Variants in NLRP5 observed in about 807,000 individuals in gnomAD.
The protein encoded by NLRP5 is NLR family pyrin domain containing 5.
NLRP5 carries 93 observed loss-of-function variants against 113.1 expected under a neutral mutation model. The observed-to-expected ratio is 0.82, with a 90% CI of 0.70 to 0.98. The LOEUF is 0.98. Among genes scored for constraint, NLRP5 ranks in the 50% least tolerant of loss-of-function variants. The pLI is 0.00. For missense variants in NLRP5, 1,808 were observed against 1,514.3 expected (o/e 1.19, Z -3.22); for synonymous variants, 751 against 600.7 (o/e 1.25, Z -3.66).
intron 9 of NLRP5, among the ~76,000 whole-genome samples, chr19:56,036,058 C>CTTTTTGTTT: frequency 1.3e-5 from 1 of 77,018 alleles, no homozygotes; most frequent in Non-Finnish European, 2.3e-5. Flanking sequence ...AATTGAGATT[C>CTTTTTGTTT]TTTTTTTTTT....
chr19:56,041,668 C>G (rs548238622), intron 11 of NLRP5, among the ~76,000 whole-genome samples: 2 of 152,138 alleles, frequency 1.3e-5, no homozygotes, highest in African/African-American at 4.8e-5. Context: ...ACTATTGCAG[C>G]GGGGCGCGGT....
chr19:56,054,112 C>T (rs1220945416), intron 13 of NLRP5, among the ~76,000 whole-genome samples: 1 of 152,054 alleles, frequency 6.6e-6, no homozygotes. Context: ...AGTGAAAAGA[C>T]CTTTGTGTTG....
chr19:56,019,297 C>T (rs2123291859), intron 4 of NLRP5, 45 bp from the exon 5 acceptor site: 3 of 1,609,316 alleles, frequency 1.9e-6, no homozygotes, highest in Non-Finnish European at 2.5e-6. Context: ...ATCTCTGACT[C>T]AAATAATAAA....
At chr19:56,030,579 T>G (rs1490048071) in intron 7 of NLRP5, among the ~76,000 whole-genome samples, 1 of 152,150 alleles carries the variant, frequency 6.6e-6, no homozygotes, top group Non-Finnish European at 1.5e-5. Flanking sequence ...TGGGCAATTT[T>G]CCTGTAGATT....
chr19:56,034,072 A>T (rs1228203632), intron 9 of NLRP5, among the ~76,000 whole-genome samples: 2 of 152,128 alleles, frequency 1.3e-5, no homozygotes, highest in African/African-American at 4.8e-5. Context: ...ACCCAGCGAG[A>T]TTTTAATTGT....
At chr19:56,030,711 C>CTTTTTTTTTTTTTTTTTTTT (rs1251579019) in intron 7 of NLRP5, among the ~76,000 whole-genome samples, 19 of 47,770 alleles carry the variant, frequency 4.0e-4, no homozygotes, top group East Asian at 1.4e-3. Context: ...TCGCTTTCTT[C>CTTTTTTTTTTTTTTTTTTTT]TTCTTTTTTT....
At chr19:56,004,231 T>C in intron 2 of NLRP5, 136 bp downstream of exon 2, 1 of 926,590 alleles carries the variant, frequency 1.1e-6, no homozygotes, top group Non-Finnish European at 1.6e-6. Flanking sequence ...AGGATCCTAT[T>C]GGTCATCGTC....
intron 13 of NLRP5, among the ~76,000 whole-genome samples, chr19:56,054,630 G>C (rs527937155): frequency 6.6e-6 from 1 of 151,248 alleles, no homozygotes; most frequent in Non-Finnish European, 1.5e-5. Context: ...AAAACGTCGT[G>C]CTGAGTGAAA....
intron 3 of NLRP5, among the ~76,000 whole-genome samples, chr19:56,011,284 G>C (rs571570711): frequency 6.6e-6 from 1 of 152,124 alleles, no homozygotes; most frequent in South Asian, 2.1e-4. Flanking sequence ...AAAATGTCTA[G>C]AATCGGCAAA....
At chr19:56,043,859 G>C (rs201668315) in intron 11 of NLRP5, among the ~76,000 whole-genome samples, 1 of 151,424 alleles carries the variant, frequency 6.6e-6, no homozygotes, top group Non-Finnish European at 1.5e-5. Context: ...TTACAGGCGT[G>C]AGCCACCACG....
intron 11 of NLRP5, among the ~76,000 whole-genome samples, chr19:56,044,594 T>G (rs1168197234): frequency 6.6e-6 from 1 of 152,238 alleles, no homozygotes; most frequent in African/African-American, 2.4e-5. Context: ...TTTGCACGAG[T>G]ACCACACTGT....
Position 56,033,703 on chromosome 19 carries a change from C to G in NLRP5, c.2609C>G (p.Ser870Cys), listed in dbSNP as rs1478709218. Residue 870 changes from serine to cysteine, a missense_variant, in exon 9 of 15, where the codon TCT (serine) becomes TGT (cysteine). Physicochemically the swap from Ser to Cys is moderately radical, Grantham distance 112 (BLOSUM62 -1). Coordinates refer to ENST00000390649, the MANE Select transcript of NLRP5 (RefSeq NM_153447.4). ...AAACACCCAAAATGTTTGTTGGAGT[C>G]TTTGAGGTACGTCTCTGGTAGAGCT... is the stretch of plus-strand genomic sequence containing the variant. 1.9e-6 allele frequency: 3 copies of G among 1,611,632 alleles called. No homozygotes were observed. In the South Asian group the frequency reaches 3.3e-5, roughly 18 times the overall value.
intron 9 of NLRP5, among the ~76,000 whole-genome samples, chr19:56,035,774 T>C (rs113404085): frequency 6.6e-5 from 10 of 152,226 alleles, no homozygotes; most frequent in Admixed American, 4.6e-4. Context: ...AAAGTACTTA[T>C]TGGATAGAGG....
chr19:56,046,783 C>T (rs866724843), intron 11 of NLRP5, among the ~76,000 whole-genome samples: 1 of 152,194 alleles, frequency 6.6e-6, no homozygotes, highest in African/African-American at 2.4e-5. Flanking sequence ...CTGCCCGCCT[C>T]GGCCTCCCAA....
At chr19:55,995,682 G>A (rs1394824525), upstream of NLRP5, among the ~76,000 whole-genome samples, 4 of 152,110 alleles carry the variant, frequency 2.6e-5, no homozygotes, top group Admixed American at 6.5e-5. Context: ...TTTTGGGTAG[G>A]ATGGCCATTT....
intron 7 of NLRP5, among the ~76,000 whole-genome samples, chr19:56,030,807 T>C (rs567667981): frequency 1.6e-3 from 215 of 137,376 alleles, no homozygotes; most frequent in Admixed American, 4.1e-3. Flanking sequence ...CTCCACCTCC[T>C]GGGTTCAAGC....
At chr19:56,050,317 A>G (rs1983884390) in intron 11 of NLRP5, 101 bp from the exon 12 acceptor site, 2 of 1,127,610 alleles carry the variant, frequency 1.8e-6, no homozygotes, top group Non-Finnish European at 2.5e-6. Flanking sequence ...ACCCCACCCT[A>G]CACAGAAGCA....
intron 2 of NLRP5, among the ~76,000 whole-genome samples, chr19:56,006,743 T>A (rs796542857): frequency 4.7e-5 from 7 of 148,038 alleles, no homozygotes; most frequent in African/African-American, 1.8e-4. Context: ...AAAATAAAAA[T>A]TTTTTTTTGT....
At chr19:56,018,921 G>T (rs1469993559) in intron 4 of NLRP5, among the ~76,000 whole-genome samples, 1 of 152,146 alleles carries the variant, frequency 6.6e-6, no homozygotes, top group African/African-American at 2.4e-5. Flanking sequence ...AGCCTCCTGA[G>T]TAGCTGGGAT....
Sources: gnomAD v4.1 joint callset for allele counts (sites outside exome capture counted in the v4.1 genomes callset) on GRCh38, gnomAD v4.1.1 for gene constraint, MANE v1.5 for transcripts, NCBI Gene and HGNC (gene_info 2026-07-23, HGNC 2026-07-21) for gene names.